UBR2: variants seen among roughly 807,000 people sequenced by gnomAD.
UBR2 encodes E3 ubiquitin-protein ligase UBR2.
In UBR2, 92 loss-of-function variants were observed where a neutral mutation model predicts 247.9. The observed-to-expected ratio is 0.37, with a 90% CI of 0.31 to 0.44. The LOEUF is 0.44. Among genes scored for constraint, UBR2 ranks in the 20% least tolerant of loss-of-function variants. The pLI, the probability that UBR2 is intolerant of heterozygous loss-of-function variation, is 1.00. For synonymous variants in UBR2, 672 were observed against 693.5 expected (o/e 0.97, Z 0.49); for missense variants, 1,613 against 2,112.6 (o/e 0.76, Z 4.64).
intron 11 of UBR2, among the ~76,000 whole-genome samples, chr6:42,624,780 G>C (rs142544223): frequency 2.6e-5 from 4 of 152,166 alleles, no homozygotes; most frequent in African/African-American, 7.2e-5. Context: ...GTCTGAAAAG[G>C]CATCTCAAAA....
At chr6:42,652,202 T>G in intron 24 of UBR2, 131 bp downstream of exon 24, 1 of 895,308 alleles carries the variant, frequency 1.1e-6, no homozygotes, top group Non-Finnish European at 1.7e-6. Flanking sequence ...AATAACCTCC[T>G]ATTCAGAGGA....
At chr6:42,611,903 C>G (rs113238735) in intron 7 of UBR2, among the ~76,000 whole-genome samples, 3,510 of 138,464 alleles carry the variant, frequency 0.025, 123 homozygotes, top group African/African-American at 0.088. Flanking sequence ...CGAGACTCCA[C>G]CTCAAAAAAA....
intron 2 of UBR2, among the ~76,000 whole-genome samples, chr6:42,586,538 CTTT>C (rs147830824): frequency 1.0e-5 from 1 of 97,232 alleles, no homozygotes. Context: ...GTTTGTCTCT[CTTT>C]TTTTTTTTTT....
rs997132008 is a variant in UBR2 at position 42,659,080 on chromosome 6, C to T, written c.3242+256C>T. Among the ~76,000 whole-genome samples the T allele has an allele frequency of 1.3e-5, 2 of 152,140 alleles. No individual in the cohort carries two copies. The highest frequency in any genetic ancestry group is 4.8e-5 in the African/African-American group (2 of 41,434). ...TTCATGAAAGAATGAGTACACTACA[C>T]TCAGTTACCTAGAGCGTATGACATC... On this transcript the variant is annotated intron_variant, in intron 29 of 46. Coordinates refer to ENST00000372901, the MANE Select transcript of UBR2 (RefSeq NM_001363705.2). This position sits in a 1 kb window ranked among gnomAD's most constrained non-coding sequence, Gnocchi z 4.3.
intron 13 of UBR2, among the ~76,000 whole-genome samples, chr6:42,633,657 C>T (rs1022507489): frequency 6.6e-6 from 1 of 151,936 alleles, no homozygotes; most frequent in African/African-American, 2.4e-5. Context: ...TCCCAGAGTG[C>T]TGGGATTACC....
chr6:42,599,377 A>AGGT (rs891878407), intron 4 of UBR2, among the ~76,000 whole-genome samples: 1 of 152,128 alleles, frequency 6.6e-6, no homozygotes, highest in Non-Finnish European at 1.5e-5. Flanking sequence ...GGTTACAGTG[A>AGGT]GGTATGAGCC....
intron 2 of UBR2, among the ~76,000 whole-genome samples, chr6:42,583,061 C>T (rs543752344): frequency 4.6e-5 from 7 of 152,136 alleles, no homozygotes; most frequent in African/African-American, 9.6e-5. Flanking sequence ...ACAAGTCCTT[C>T]GTCAGACTCA....
At chr6:42,662,112 A>C (rs906531328) in intron 30 of UBR2, 72 bp from the exon 31 acceptor site, 2 of 990,064 alleles carry the variant, frequency 2.0e-6, no homozygotes, top group Non-Finnish European at 3.1e-6. Flanking sequence ...TTTACAATTT[A>C]AAGTTACACA....
Position 42,660,919 on chromosome 6 carries a change from A to G in UBR2, c.3442+1064A>G, listed in dbSNP as rs1582674463. Among the ~76,000 whole-genome samples the G allele has an allele frequency of 2.0e-5, 3 of 151,482 alleles. No homozygotes were observed. In the South Asian group the frequency reaches 6.2e-4, roughly 31 times the overall value. ...GAGGCAGAGGTTGCAGTGAGCCGAG[A>G]TTGCACCACTGCCCTCCAGCCTGGG... On this transcript the variant is annotated intron_variant, in intron 30 of 46. Coordinates refer to ENST00000372901, the MANE Select transcript of UBR2 (RefSeq NM_001363705.2).
At chr6:42,588,606 A>C (rs1792448428) in intron 2 of UBR2, among the ~76,000 whole-genome samples, 1 of 152,206 alleles carries the variant, frequency 6.6e-6, no homozygotes, top group Non-Finnish European at 1.5e-5. Flanking sequence ...TTAAGGTTGC[A>C]GTGAGCTGTG....
chr6:42,676,233 G>A (rs376104895), intron 39 of UBR2, 42 bp downstream of exon 39: 2 of 1,507,540 alleles, frequency 1.3e-6, no homozygotes, highest in South Asian at 2.7e-5. Context: ...GGAAATACTT[G>A]AGTTTTCTGA....
At chr6:42,640,522 T>G (rs957680394) in intron 16 of UBR2, among the ~76,000 whole-genome samples, 7 of 151,698 alleles carry the variant, frequency 4.6e-5, no homozygotes, top group African/African-American at 1.7e-4. Flanking sequence ...CTGGCAAGTC[T>G]GAAATATGCA....
In UBR2 at chr6:42,632,069, A is replaced by AATAT. The variant is rs1554254886; in HGVS notation, c.1282-464_1282-461dup. Among the ~76,000 whole-genome samples, 167 of 114,072 alleles carry AATAT rather than the reference A, an allele frequency of 1.5e-3. 1 individual carries two copies. The highest frequency in any genetic ancestry group is 6.5e-3 in the East Asian group (27 of 4,124). The allele number at this position is 114,072 out of a possible 152,430, so 74.8% of individuals were successfully genotyped here. On this transcript the variant is annotated intron_variant, in intron 11 of 46. Transcript: ENST00000372901. Reference sequence around the variant, plus strand: ...TATTTGCTTATTTAAAAAAAAAAAAAATATATATATATATATATATATGTA... The same window carrying AATAT: ...TATTTGCTTATTTAAAAAAAAAAAAAATATATATATATATATATATATATATGTA...
Position 42,633,163 on chromosome 6 carries a change from TTTGTTGTTGTTG to T in UBR2, c.1545+280_1545+291del, listed in dbSNP as rs78126394. Among the ~76,000 whole-genome samples, 9 of 149,730 alleles carry T rather than the reference TTTGTTGTTGTTG, an allele frequency of 6.0e-5. No individual in the cohort carries two copies. The South Asian group carries it at 8.4e-4, about 14-fold the overall frequency. On this transcript the variant is annotated intron_variant, in intron 13 of 46. Transcript: ENST00000372901. ...CAGGCACGGGCCCAGGCCCAGCTTC[TTTGTTGTTGTTG>T]TTGTTGTTGTTGTTGTTGTTCATTG...
At chr6:42,616,290 C>T (rs781482817) in intron 10 of UBR2, among the ~76,000 whole-genome samples, 200 bp downstream of exon 10, 1 of 151,822 alleles carries the variant, frequency 6.6e-6, no homozygotes, top group Non-Finnish European at 1.5e-5. Context: ...TTCATCACCT[C>T]CTATAACATG....
intron 44 of UBR2, among the ~76,000 whole-genome samples, chr6:42,687,478 GGGGAGAGGGAGAGAAGAGA>G (rs1367291623): frequency 2.0e-5 from 3 of 152,298 alleles, no homozygotes; most frequent in East Asian, 1.9e-4. Context: ...ACTGTGCAAA[GGGGAGAGGGAGAGAAGAGA>G]GGGAGAGGGA....
intron 2 of UBR2, among the ~76,000 whole-genome samples, chr6:42,585,243 T>C (rs931568120): frequency 6.6e-6 from 1 of 152,228 alleles, no homozygotes; most frequent in Non-Finnish European, 1.5e-5. Context: ...GTTTGGTTGA[T>C]TGCATTGTTT....
chr6:42,579,705 C>T (rs1031075298), intron 2 of UBR2, among the ~76,000 whole-genome samples: 1 of 152,150 alleles, frequency 6.6e-6, no homozygotes, highest in African/African-American at 2.4e-5. Context: ...AACAGAGTTT[C>T]CCTATATTGC....
chr6:42,641,925 T>C (rs562906999), intron 17 of UBR2, among the ~76,000 whole-genome samples: 4 of 152,326 alleles, frequency 2.6e-5, no homozygotes, highest in African/African-American at 9.6e-5. Flanking sequence ...AAATAATTTT[T>C]TGGGACAAAG....
Sources: gnomAD v4.1 joint callset for allele counts (sites outside exome capture counted in the v4.1 genomes callset) on GRCh38, gnomAD v4.1.1 for gene constraint, Gnocchi (gnomAD v3.1) non-coding constraint, MANE v1.5 for transcripts, NCBI Gene and HGNC (gene_info 2026-07-23, HGNC 2026-07-21) for gene names.